The following CHST11 variants were observed in gnomAD, a reference collection of about 807,000 sequenced individuals.
CHST11 encodes the protein carbohydrate sulfotransferase 11, also known as C4S-1.
A neutral mutation model predicts 30.4 loss-of-function variants in CHST11; 9 were observed. That is an observed-to-expected ratio of 0.30 (90% CI 0.18 to 0.52). The LOEUF is 0.52. Ranked by LOEUF, CHST11 falls within the 20% of genes least tolerant of loss-of-function variation. CHST11 has a pLI of 0.97. For synonymous variants in CHST11, 152 were observed against 187.8 expected (o/e 0.81, Z 1.56); for missense variants, 348 against 460.6 (o/e 0.76, Z 2.24).
At chr12:104,632,317 C>T (rs2039278946) in intron 2 of CHST11, among the ~76,000 whole-genome samples, 1 of 152,158 alleles carries the variant, frequency 6.6e-6, no homozygotes, top group Admixed American at 6.5e-5. Context: ...AGGAGCCTAC[C>T]TGTGCTCAGT....
chr12:104,695,510 T>C (rs2039936460), intron 2 of CHST11, among the ~76,000 whole-genome samples: 1 of 152,070 alleles, frequency 6.6e-6, no homozygotes, highest in South Asian at 2.1e-4. Context: ...AACAAGCATT[T>C]CCTGAGCACC....
chr12:104,572,141 TC>T (rs1347805324), intron 1 of CHST11, among the ~76,000 whole-genome samples: 2 of 152,102 alleles, frequency 1.3e-5, no homozygotes, highest in African/African-American at 4.8e-5. Context: ...GATTTTTGCA[TC>T]GATGTTCATC....
chr12:104,657,932 A>G (rs777088440), intron 2 of CHST11, among the ~76,000 whole-genome samples: 2 of 152,090 alleles, frequency 1.3e-5, no homozygotes, highest in African/African-American at 2.4e-5. Context: ...TTTCCCCTTC[A>G]GTTGACGGAG....
In CHST11 at chr12:104,670,657, C is replaced by A. The variant is rs199548304; in HGVS notation, c.204+68666C>A. ...CTCATGCACACTCTCCCACACATAC[C>A]CACACACACACAAATATACTCTCAC... is the stretch of plus-strand genomic sequence containing the variant. On this transcript the variant is annotated intron_variant, in intron 2 of 2. Coordinates refer to ENST00000303694, the MANE Select transcript of CHST11 (RefSeq NM_018413.6). Among the ~76,000 whole-genome samples the A allele has an allele frequency of 3.7e-3, 479 of 130,680 alleles. 2 individuals are homozygous for A. The highest frequency in any genetic ancestry group is 0.015 in the African/African-American group (459 of 31,276). The allele number at this position is 130,680 out of a possible 152,430, so 85.7% of individuals were successfully genotyped here. A position where few individuals can be genotyped will look rare whatever the true frequency, so the allele number is the denominator to read the frequency against.
At chr12:104,605,896 C>T (rs1037225882) in intron 2 of CHST11, among the ~76,000 whole-genome samples, 5 of 152,192 alleles carry the variant, frequency 3.3e-5, no homozygotes, top group African/African-American at 1.2e-4. Flanking sequence ...GCCCCGCCCA[C>T]CTCCTGGTCC....
Position 104,605,203 on chromosome 12 carries a change from G to A in CHST11, c.204+3212G>A, listed in dbSNP as rs372509796. 9.9e-5 allele frequency among the ~76,000 whole-genome samples: 15 copies of A among 151,464 alleles called. No homozygotes were observed. In the South Asian group the frequency reaches 2.7e-3, roughly 27 times the overall value. ...AACCCAGATTTTCACTGGACAAAGG[G>A]TTGGGAAAATTGGGAAATTTTGGCT... is the stretch of plus-strand genomic sequence containing the variant. On this transcript the variant is annotated intron_variant, in intron 2 of 2. Transcript: ENST00000303694.
chr12:104,564,528 G>A (rs10861233), intron 1 of CHST11, among the ~76,000 whole-genome samples: 30,748 of 152,150 alleles, frequency 0.2, 3,936 homozygotes, highest in East Asian at 0.44. Context: ...AGGGTTTAGC[G>A]GGTCTGCAAA....
intron 2 of CHST11, among the ~76,000 whole-genome samples, chr12:104,749,498 A>G (rs1217081219): frequency 2.6e-5 from 4 of 152,228 alleles, no homozygotes; most frequent in Admixed American, 2.6e-4. Flanking sequence ...AGGGAATGTA[A>G]GAAGAAAGAC....
At chr12:104,505,164 G>A (rs963555551) in intron 1 of CHST11, among the ~76,000 whole-genome samples, 1 of 152,186 alleles carries the variant, frequency 6.6e-6, no homozygotes, top group Non-Finnish European at 1.5e-5. Flanking sequence ...GAACAGCGCT[G>A]TTATAGACAC....
At chr12:104,539,604 G>A (rs181734968) in intron 1 of CHST11, among the ~76,000 whole-genome samples, 18 of 152,274 alleles carry the variant, frequency 1.2e-4, no homozygotes, top group Admixed American at 1.0e-3. Context: ...GCCAGGACAC[G>A]TTAGGACCCT....
At chr12:104,730,372 G>A (rs780300350) in intron 2 of CHST11, among the ~76,000 whole-genome samples, 1 of 152,244 alleles carries the variant, frequency 6.6e-6, no homozygotes, top group African/African-American at 2.4e-5. Context: ...TTGATGCAGG[G>A]CCTGACATTT....
At chr12:104,579,315 G>A (rs2038716121) in intron 1 of CHST11, among the ~76,000 whole-genome samples, 1 of 152,180 alleles carries the variant, frequency 6.6e-6, no homozygotes, top group Non-Finnish European at 1.5e-5. Flanking sequence ...TACCTGGGTT[G>A]AAGTCTTTGC....
chr12:104,713,525 A>T (rs186856429), intron 2 of CHST11, among the ~76,000 whole-genome samples: 8 of 152,284 alleles, frequency 5.3e-5, no homozygotes, highest in African/African-American at 1.9e-4. Context: ...CTGTATGAAG[A>T]TAAAAGATCT....
At chr12:104,622,335 C>T (rs140498354) in intron 2 of CHST11, among the ~76,000 whole-genome samples, 203 of 152,168 alleles carry the variant, frequency 1.3e-3, no homozygotes, top group Middle Eastern at 6.8e-3. Flanking sequence ...TTAGTCAGTA[C>T]ATTTATTTTT....
At position 104,629,922 on chromosome 12, in the gene CHST11, TAC is replaced by T. The variant is rs2039255568; in HGVS notation, c.204+27933_204+27934del. The stretch of plus-strand genomic sequence containing the variant: ...CATGCTCAGAATACCAACATTAGCC[TAC>T]AGTTGGGCAACATTATCTAGCACAA... On this transcript the variant is annotated intron_variant, in intron 2 of 2. Coordinates refer to ENST00000303694, the MANE Select transcript of CHST11 (RefSeq NM_018413.6). 2.6e-5 allele frequency among the ~76,000 whole-genome samples: 4 copies of T among 152,320 alleles called. No individual in the cohort carries two copies. In the East Asian group the frequency reaches 7.7e-4, roughly 29 times the overall value.
chr12:104,643,047 G>A (rs1054546923), intron 2 of CHST11, among the ~76,000 whole-genome samples: 1 of 152,138 alleles, frequency 6.6e-6, no homozygotes, highest in African/African-American at 2.4e-5. Context: ...TTGTAGGCTG[G>A]GCATGGTGGT....
At chr12:104,722,076 C>T (rs1352406725) in intron 2 of CHST11, among the ~76,000 whole-genome samples, 1 of 151,906 alleles carries the variant, frequency 6.6e-6, no homozygotes, top group Non-Finnish European at 1.5e-5. Context: ...GCAGCCTGGA[C>T]CTCCCAGGCT....
At chr12:104,740,073 T>C (rs961764140) in intron 2 of CHST11, among the ~76,000 whole-genome samples, 4 of 152,240 alleles carry the variant, frequency 2.6e-5, no homozygotes, top group Non-Finnish European at 5.9e-5. Flanking sequence ...CTGAAATCAA[T>C]GTATTTAGTT....
At chr12:104,672,054 C>A (rs1275961971) in intron 2 of CHST11, among the ~76,000 whole-genome samples, 1 of 152,196 alleles carries the variant, frequency 6.6e-6, no homozygotes, top group African/African-American at 2.4e-5. Flanking sequence ...ATGATCAGCC[C>A]TGGAGGAAGG....
Sources: gnomAD v4.1 joint callset for allele counts (sites outside exome capture counted in the v4.1 genomes callset) on GRCh38, gnomAD v4.1.1 for gene constraint, MANE v1.5 for transcripts, NCBI Gene and HGNC (gene_info 2026-07-23, HGNC 2026-07-21) for gene names.